Variants in SBF2 observed in about 807,000 individuals in gnomAD.
SBF2 encodes myotubularin-related protein 13.
SBF2 carries 112 observed loss-of-function variants against 225.2 expected under a neutral mutation model. The observed-to-expected ratio is 0.50, with a 90% CI of 0.43 to 0.58. The LOEUF (loss-of-function observed/expected upper bound fraction) is 0.58, where lower values mean the gene tolerates loss of function less well. SBF2 is among the 20% of genes least tolerant of loss of function. The pLI, the probability that SBF2 is intolerant of heterozygous loss-of-function variation, is 0.00. For missense variants in SBF2, 1,996 were observed against 2,206.2 expected (o/e 0.90, Z 1.91); for synonymous variants, 763 against 773.3 (o/e 0.99, Z 0.22).
At chr11:9,917,065 T>A (rs112673381) in intron 16 of SBF2, among the ~76,000 whole-genome samples, 2 of 151,160 alleles carry the variant, frequency 1.3e-5, no homozygotes, top group Non-Finnish European at 2.9e-5. Flanking sequence ...TATTTTCATT[T>A]AAAAAAAACT....
chr11:10,251,018 C>T (rs1043390818), intron 1 of SBF2, among the ~76,000 whole-genome samples: 1 of 152,054 alleles, frequency 6.6e-6, no homozygotes, highest in Admixed American at 6.6e-5. Flanking sequence ...ATATTTTTTC[C>T]TTATTTATGC....
intron 2 of SBF2, among the ~76,000 whole-genome samples, chr11:10,064,052 T>C (rs2134769992): frequency 6.6e-6 from 1 of 152,266 alleles, no homozygotes; most frequent in South Asian, 2.1e-4. Context: ...ATGGAGTAAC[T>C]ACATGGGTAA....
At chr11:10,269,410 G>C (rs1208193200) in intron 1 of SBF2, among the ~76,000 whole-genome samples, 1 of 152,188 alleles carries the variant, frequency 6.6e-6, no homozygotes, top group East Asian at 1.9e-4. Flanking sequence ...GGGTAACTAG[G>C]ACTGAAACTT....
At chr11:9,988,706 C>A (rs1397476123) in intron 13 of SBF2, among the ~76,000 whole-genome samples, 3 of 152,100 alleles carry the variant, frequency 2.0e-5, no homozygotes, top group Non-Finnish European at 2.9e-5. Context: ...CAGCGCGATA[C>A]CATCTTACTT....
intron 3 of SBF2, among the ~76,000 whole-genome samples, chr11:10,036,310 T>C (rs1030571889): frequency 1.3e-5 from 2 of 152,028 alleles, no homozygotes; most frequent in Non-Finnish European, 2.9e-5. Flanking sequence ...ATATTTAATG[T>C]AGATGACAGG....
At chr11:9,863,793 C>G (rs1048515769) in intron 17 of SBF2, among the ~76,000 whole-genome samples, 17 of 150,044 alleles carry the variant, frequency 1.1e-4, no homozygotes, top group African/African-American at 4.2e-4. Context: ...ACAATACATA[C>G]AAGTCCACTG....
chr11:10,282,011 T>C (rs757436838), intron 1 of SBF2, among the ~76,000 whole-genome samples: 2 of 152,182 alleles, frequency 1.3e-5, no homozygotes, highest in Middle Eastern at 3.2e-3. Flanking sequence ...ATGAGGTTTA[T>C]ACAGCATATG....
At chr11:10,231,723 G>A (rs565454663) in intron 1 of SBF2, among the ~76,000 whole-genome samples, 5 of 152,186 alleles carry the variant, frequency 3.3e-5, no homozygotes, top group Admixed American at 3.3e-4. Flanking sequence ...CCCCTACTGG[G>A]GGGTGCCTCC....
chr11:10,252,933 TA>T (rs932713864), intron 1 of SBF2, among the ~76,000 whole-genome samples: 42 of 152,052 alleles, frequency 2.8e-4, no homozygotes, highest in African/African-American at 9.2e-4. Flanking sequence ...TTTTTGTCTA[TA>T]AATCTTCTTC....
chr11:10,000,101 G>A (rs1221719337), intron 8 of SBF2, among the ~76,000 whole-genome samples: 1 of 152,226 alleles, frequency 6.6e-6, no homozygotes, highest in South Asian at 2.1e-4. Context: ...TCCATAACCA[G>A]GCAGTTCTAA....
intron 17 of SBF2, among the ~76,000 whole-genome samples, chr11:9,874,803 A>T (rs1859079427): frequency 6.6e-6 from 1 of 152,226 alleles, no homozygotes; most frequent in Non-Finnish European, 1.5e-5. Flanking sequence ...TCCTAGCTTA[A>T]GTTTATTATT....
intron 1 of SBF2, among the ~76,000 whole-genome samples, chr11:10,229,441 A>G (rs912878867): frequency 6.6e-6 from 1 of 151,902 alleles, no homozygotes; most frequent in African/African-American, 2.4e-5. Context: ...CCTTTCTCTT[A>G]TGGGCATTTA....
intron 2 of SBF2, among the ~76,000 whole-genome samples, chr11:10,088,928 G>GTA (rs1217742840): frequency 1.3e-5 from 2 of 152,174 alleles, no homozygotes; most frequent in Non-Finnish European, 2.9e-5. Context: ...TTTGCATATA[G>GTA]TGGTTGTTCA....
chr11:10,171,930 A>G (rs544676027), intron 2 of SBF2, among the ~76,000 whole-genome samples: 2 of 152,168 alleles, frequency 1.3e-5, no homozygotes, highest in Non-Finnish European at 2.9e-5. Flanking sequence ...ATTTATTGAC[A>G]TATAGTTGGT....
At position 9,968,367 on chromosome 11, in the gene SBF2, C is replaced by T. The variant is rs1867103479; in HGVS notation, c.1574G>A (p.Cys525Tyr). 6.2e-7 allele frequency: 1 copy of T among 1,614,114 alleles called. No homozygotes were observed. Among genetic ancestry groups the T allele is most frequent in the Non-Finnish European group, 8.5e-7 (1 of 1,180,008 alleles). ...AACAGGTGGACCTGCTGGCACAACA[C>T]ATTTCTTTTCTATTCGTGTGGCAGG... is the stretch of plus-strand genomic sequence containing the variant. ...APPATRIEKK[C>Y]VVPAGPPVVS... The change falls in exon 14 of 40, where the codon TGT (cysteine) becomes TAT (tyrosine). Residue 525 changes from cysteine (C) to tyrosine (Y), a missense_variant. Cys to Tyr is a radical substitution (Grantham distance 194, BLOSUM62 -2). Transcript: ENST00000256190.
intron 1 of SBF2, among the ~76,000 whole-genome samples, chr11:10,211,705 A>C (rs1313367377): frequency 6.6e-6 from 1 of 152,228 alleles, no homozygotes; most frequent in African/African-American, 2.4e-5. Flanking sequence ...AAATGATGGC[A>C]CAGAGCCAAA....
intron 30 of SBF2, among the ~76,000 whole-genome samples, chr11:9,812,091 A>C (rs917551395): frequency 1.3e-5 from 2 of 151,736 alleles, no homozygotes; most frequent in Non-Finnish European, 2.9e-5. Flanking sequence ...TTTGGTGGGT[A>C]GTGTGGGGTG....
chr11:10,215,335 G>C (rs547714000), intron 1 of SBF2, among the ~76,000 whole-genome samples: 4 of 152,228 alleles, frequency 2.6e-5, no homozygotes, highest in Admixed American at 6.5e-5. Flanking sequence ...TTAAAAATTG[G>C]TATTCTCCAA....
rs140586298 is a variant in SBF2, at chr11:10,027,738, G to A, written c.619+714C>T. Among the ~76,000 whole-genome samples the A allele has an allele frequency of 3.8e-3, 579 of 152,176 alleles. 4 individuals carry two copies. Among genetic ancestry groups the A allele is most frequent in the South Asian group, 5.2e-3 (25 of 4,816 alleles). On this transcript the variant is annotated intron_variant, in intron 6 of 39. Transcript: ENST00000256190. ...CTTAAATAATGTAAAAGCTGTCCAA[G>A]GTACAGTGGACACTTTCTAGAATCC...
Sources: gnomAD v4.1 joint callset for allele counts (sites outside exome capture counted in the v4.1 genomes callset) on GRCh38, gnomAD v4.1.1 for gene constraint, MANE v1.5 for transcripts, NCBI Gene and HGNC (gene_info 2026-07-23, HGNC 2026-07-21) for gene names.